Variants in ATAD2 observed in about 807,000 individuals in gnomAD.
ATAD2 encodes ATPase family AAA domain-containing protein 2.
In ATAD2, 62 loss-of-function variants were observed where a neutral mutation model predicts 168.9. That is an observed-to-expected ratio of 0.37 (90% confidence interval 0.30 to 0.45). The LOEUF is 0.45. Ranked by LOEUF, ATAD2 falls within the 20% of genes least tolerant of loss-of-function variation. The pLI, the probability that ATAD2 is intolerant of heterozygous loss-of-function variation, is 1.00. For missense variants in ATAD2, 1,419 were observed against 1,667.8 expected (o/e 0.85, Z 2.60); for synonymous variants, 613 against 571.6 (o/e 1.07, Z -1.03).
At chr8:123,324,196 T>G (rs182918524) in intron 26 of ATAD2, among the ~76,000 whole-genome samples, 5 of 152,318 alleles carry the variant, frequency 3.3e-5, no homozygotes, top group Admixed American at 2.6e-4. Context: ...CTCTAAGAAG[T>G]GTAGACATCA....
chr8:123,396,481 C>T, upstream of ATAD2: 3 of 1,100,236 alleles, frequency 2.7e-6, no homozygotes, highest in Non-Finnish European at 3.7e-6. Flanking sequence ...GGCCGCAGCG[C>T]GCGCGCCCAG....
At chr8:123,371,639 A>G in intron 4 of ATAD2, 31 bp downstream of exon 4, 1 of 1,567,544 alleles carries the variant, frequency 6.4e-7, no homozygotes, top group East Asian at 2.2e-5. Flanking sequence ...CTGACAGATA[A>G]ATCATCTTGA....
chr8:123,360,109 T>C (rs1403612332), intron 9 of ATAD2, among the ~76,000 whole-genome samples: 2 of 152,170 alleles, frequency 1.3e-5, no homozygotes, highest in African/African-American at 2.4e-5. Flanking sequence ...GAAGGTATTA[T>C]TATTTTCCCC....
chr8:123,365,509 C>T (rs1205863496), intron 8 of ATAD2, among the ~76,000 whole-genome samples: 8 of 152,146 alleles, frequency 5.3e-5, no homozygotes, highest in Non-Finnish European at 8.8e-5. Flanking sequence ...GGAAGCATTA[C>T]GTTACCTGAT....
Position 123,383,689 on chromosome 8 carries a change from C to T in ATAD2, c.172-3012G>A, listed in dbSNP as rs563859877. Among the ~76,000 whole-genome samples the T allele has an allele frequency of 4.6e-3, 695 of 151,978 alleles. 4 individuals carry two copies. Among genetic ancestry groups the T allele is most frequent in the Non-Finnish European group, 5.6e-3 (384 of 67,976 alleles). ...TTGGGAGGCTGAGGCAGGAGAATCACTAGAACCCAGGAGGCGGAGGTTGCG... is the reference window on the plus strand; with the variant it reads ...TTGGGAGGCTGAGGCAGGAGAATCATTAGAACCCAGGAGGCGGAGGTTGCG... On this transcript the variant is annotated intron_variant, in intron 1 of 27. Coordinates refer to ENST00000287394, the MANE Select transcript of ATAD2 (RefSeq NM_014109.4).
chr8:123,395,949 C>T (rs541893423), intron 1 of ATAD2, among the ~76,000 whole-genome samples: 1 of 152,356 alleles, frequency 6.6e-6, no homozygotes, highest in African/African-American at 2.4e-5. Context: ...TCGATTTCCT[C>T]TTGCGTAAAA....
At chr8:123,334,524 T>A (rs1171929528) in intron 22 of ATAD2, among the ~76,000 whole-genome samples, 2 of 151,888 alleles carry the variant, frequency 1.3e-5, no homozygotes, top group Non-Finnish European at 2.9e-5. Flanking sequence ...TATGGCAAAC[T>A]AAACCCAAAC....
chr8:123,374,389 A>G (rs989584079), intron 2 of ATAD2, among the ~76,000 whole-genome samples: 2 of 152,196 alleles, frequency 1.3e-5, no homozygotes, highest in Non-Finnish European at 2.9e-5. Flanking sequence ...TGAGTAGTTC[A>G]TCTACAGGTA....
chr8:123,371,707 C>A lies in ATAD2; in HGVS notation c.499G>T (p.Val167Leu). 1 of 1,612,502 alleles carries A rather than the reference C, an allele frequency of 6.2e-7. No individual in the cohort carries two copies. Residue 167 changes from valine to leucine, a missense_variant, in exon 4 of 28, where the codon GTA becomes TTA. Around this residue, in one of 5 missense-constraint regions of ATAD2, gnomAD observed 419 missense variants for 423.5 expected, o/e 0.99. Coordinates refer to ENST00000287394, the MANE Select transcript of ATAD2 (RefSeq NM_014109.4). ...SCRIRSRYSG[V>L]NQSMLFDKLI... The stretch of plus-strand genomic sequence containing the variant: ...TTGTCAAACAGCATGGACTGGTTTA[C>A]ACCACTATAACGACTTCTAATCCTA...
chr8:123,366,255 A>G (rs1426833641), intron 8 of ATAD2, among the ~76,000 whole-genome samples: 1 of 152,192 alleles, frequency 6.6e-6, no homozygotes, highest in Non-Finnish European at 1.5e-5. Flanking sequence ...TATAATCAAA[A>G]AATCAAAAAA....
At chr8:123,346,966 C>T in intron 16 of ATAD2, 126 bp downstream of exon 16, 1 of 1,174,098 alleles carries the variant, frequency 8.5e-7, no homozygotes, top group Non-Finnish European at 1.2e-6. Context: ...TTCAAATATC[C>T]CAGGTAAAGC....
chr8:123,356,285 C>T lies in ATAD2; in HGVS notation c.1646+104G>A, dbSNP rs890990259. On this transcript the variant is annotated intron_variant, in intron 13 of 27. Transcript: ENST00000287394. ...GTTCTACTACCAAAAAAAGGAACTA[C>T]TAGCTTATAAAGTTTCTTTCACCAT... is the stretch of plus-strand genomic sequence containing the variant. 56 of 915,020 alleles carry T rather than the reference C, an allele frequency of 6.1e-5. No homozygotes were observed. The African/African-American group carries it at 7.8e-4, about 13-fold the overall frequency. 56.7% of individuals were successfully genotyped at this position (915,020 alleles called of 1,614,324 possible). A position where few individuals can be genotyped will look rare whatever the true frequency, so the allele number is the denominator to read the frequency against.
In ATAD2 at chr8:123,369,177, T is replaced by TA. The variant is rs761718006; in HGVS notation, c.932-3dup. ...TGGGCTTTCTCTGGTGACGAGGTTC[T>TA]AAAAAAAAGAAATATATATATATAT... On this transcript the variant is annotated splice_region_variant and splice_polypyrimidine_tract_variant and intron_variant, in intron 7 of 27. Coordinates refer to ENST00000287394, the MANE Select transcript of ATAD2 (RefSeq NM_014109.4). The TA allele has an allele frequency of 8.4e-5, 114 of 1,358,374 alleles. No individual in the cohort carries two copies. Among genetic ancestry groups the TA allele is most frequent in the Admixed American group, 4.2e-4 (21 of 50,236 alleles). 84.1% of individuals were successfully genotyped at this position (1,358,374 alleles called of 1,614,324 possible). A position where few individuals can be genotyped will look rare whatever the true frequency, so the allele number is the denominator to read the frequency against.
chr8:123,329,773 A>T (rs1277456130), intron 24 of ATAD2, among the ~76,000 whole-genome samples: 11 of 62,094 alleles, frequency 1.8e-4, no homozygotes, highest in Non-Finnish European at 2.7e-4. Flanking sequence ...AAAAAAAAAA[A>T]AATTTTTCAC....
In ATAD2 at chr8:123,334,040, G is replaced by A; in HGVS notation, c.3335-19C>T. Reference sequence around the variant, plus strand: ...CTACAACCTTATAAATAGATATGTGGGATGTCAAAAGGATTTCCAGATTTC... The same window carrying A: ...CTACAACCTTATAAATAGATATGTGAGATGTCAAAAGGATTTCCAGATTTC... On this transcript the variant is annotated intron_variant, in intron 23 of 27. Coordinates refer to ENST00000287394, the MANE Select transcript of ATAD2 (RefSeq NM_014109.4). The A allele has an allele frequency of 6.3e-7, 1 of 1,595,858 alleles. No homozygotes were observed.
At chr8:123,389,230 C>A (rs1373291242) in intron 1 of ATAD2, among the ~76,000 whole-genome samples, 4 of 146,416 alleles carry the variant, frequency 2.7e-5, no homozygotes, top group African/African-American at 1.0e-4. Flanking sequence ...CCCGCCTTGG[C>A]CTCCCAAAGT....
chr8:123,393,184 CAAA>C (rs60028341), intron 1 of ATAD2, among the ~76,000 whole-genome samples: 3 of 88,214 alleles, frequency 3.4e-5, no homozygotes, highest in African/African-American at 4.3e-5. Flanking sequence ...AACTCCATCT[CAAA>C]AAAAAAAAAA....
chr8:123,396,316 G>A lies in ATAD2; in HGVS notation c.42C>T (p.Ser14=), dbSNP rs553517028. ...CCAAGGAGCCCGTGGCCGAGGCCGC[G>A]GAGTGGTTGTGCAGCTCCAAGCTGC... ...LRSSLELHNH[S]AASATGSLDL... The change falls in exon 1 of 28, where the codon TCC becomes TCT. Residue 14 remains serine, a synonymous_variant. Coordinates refer to ENST00000287394, the MANE Select transcript of ATAD2 (RefSeq NM_014109.4). 43 of 1,608,546 alleles carry A rather than the reference G, an allele frequency of 2.7e-5. No individual in the cohort carries two copies. The East Asian group carries it at 6.3e-4, about 23-fold the overall frequency.
intron 8 of ATAD2, among the ~76,000 whole-genome samples, chr8:123,364,926 A>T (rs1828927125): frequency 6.6e-6 from 1 of 152,152 alleles, no homozygotes; most frequent in East Asian, 1.9e-4. Flanking sequence ...TCCTAGCCAC[A>T]GCAATCAGAC....
Sources: gnomAD v4.1 joint callset for allele counts (sites outside exome capture counted in the v4.1 genomes callset) on GRCh38, gnomAD v4.1.1 for gene constraint, gnomAD v4.1.1 regional missense constraint, MANE v1.5 for transcripts, NCBI Gene and HGNC (gene_info 2026-07-23, HGNC 2026-07-21) for gene names.